HTRA1: variants seen among roughly 807,000 people sequenced by gnomAD.
The protein encoded by HTRA1 is serine protease HTRA1.
In HTRA1, 26 loss-of-function variants were observed where a neutral mutation model predicts 49.7. The ratio of observed to expected loss-of-function variants is 0.52; its 90% CI spans 0.38 to 0.73. HTRA1 has a LOEUF of 0.73. HTRA1 is among the 30% of genes least tolerant of loss of function. HTRA1 has a pLI of 0.00. For missense variants in HTRA1, 561 were observed against 667.2 expected (o/e 0.84, Z 1.75); for synonymous variants, 291 against 286.9 (o/e 1.01, Z -0.14).
At chr10:122,499,920 G>T (rs2097500226) in intron 3 of HTRA1, among the ~76,000 whole-genome samples, 1 of 152,200 alleles carries the variant, frequency 6.6e-6, no homozygotes, top group Non-Finnish European at 1.5e-5. Context: ...TGATGCAGTG[G>T]ATTCTGCAGA....
intron 2 of HTRA1, 52 bp downstream of exon 2, chr10:122,489,053 A>G: frequency 8.0e-7 from 1 of 1,257,608 alleles, no homozygotes; most frequent in Non-Finnish European, 1.2e-6. Flanking sequence ...CACCGCCACT[A>G]GCAAAACATG....
intron 4 of HTRA1, 34 bp from the exon 5 acceptor site, chr10:122,507,336 G>C (rs199688727): frequency 1.3e-6 from 2 of 1,596,572 alleles, no homozygotes; most frequent in Non-Finnish European, 1.7e-6. Flanking sequence ...GTTATGACAC[G>C]ATTTGTAACC....
rs2097493445 is a variant in HTRA1, at chr10:122,487,095, A to AT, written c.473-1802dup. Among the ~76,000 whole-genome samples, 1 of 152,208 alleles carries AT rather than the reference A, an allele frequency of 6.6e-6. No homozygotes were observed. The highest frequency in any genetic ancestry group is 2.1e-4 in the South Asian group (1 of 4,828). On this transcript the variant is annotated intron_variant, in intron 1 of 8. Transcript: ENST00000368984. This position sits in a 1 kb window ranked among gnomAD's most constrained non-coding sequence, Gnocchi z 4.8. ...CAGGAAATACAAGCCCCAGTTACTC[A>AT]TTTTTCAGTGCAACAGACATAAGAT...
intron 3 of HTRA1, among the ~76,000 whole-genome samples, chr10:122,491,968 T>C (rs2097496074): frequency 6.6e-6 from 1 of 152,208 alleles, no homozygotes; most frequent in African/African-American, 2.4e-5. Context: ...TCCAGCTTTT[T>C]CTCTTTTGTT....
intron 1 of HTRA1, among the ~76,000 whole-genome samples, chr10:122,476,388 G>C (rs1024683682): frequency 6.6e-6 from 1 of 152,170 alleles, no homozygotes; most frequent in Non-Finnish European, 1.5e-5. Context: ...CACAGCATCA[G>C]GTTAGTTAAC....
intron 3 of HTRA1, among the ~76,000 whole-genome samples, chr10:122,492,776 G>C (rs1227028918): frequency 1.3e-5 from 2 of 152,116 alleles, no homozygotes. Flanking sequence ...CAGCGTAGGT[G>C]GGACCATCAG....
intron 1 of HTRA1, among the ~76,000 whole-genome samples, chr10:122,477,067 A>C (rs1449910713): frequency 6.9e-6 from 1 of 145,650 alleles, no homozygotes; most frequent in Non-Finnish European, 1.5e-5. Flanking sequence ...TTCCAGGTTC[A>C]CGCCATTCTC....
intron 8 of HTRA1, among the ~76,000 whole-genome samples, chr10:122,513,663 A>G (rs980194765): frequency 1.1e-4 from 17 of 148,606 alleles, no homozygotes; most frequent in Non-Finnish European, 3.0e-5. Context: ...AGAGTGGGGA[A>G]AAAAGAACAT....
In HTRA1 at chr10:122,513,671, C is replaced by T. The variant is rs28774382; in HGVS notation, c.1275-520C>T. 4.0e-4 allele frequency among the ~76,000 whole-genome samples: 48 copies of T among 119,116 alleles called. No individual in the cohort carries two copies. The East Asian group carries it at 0.012, about 30-fold the overall frequency. 78.1% of individuals were successfully genotyped at this position (119,116 alleles called of 152,430 possible). A position where few individuals can be genotyped will look rare whatever the true frequency, so the allele number is the denominator to read the frequency against. On this transcript the variant is annotated intron_variant, in intron 8 of 8. Transcript: ENST00000368984. ...AAAAAAAAGAGTGGGGAAAAAAGAA[C>T]ATTATTAAAAAAAAAAACCTTAAAA...
At chr10:122,474,136 G>T (rs2133912330) in intron 1 of HTRA1, among the ~76,000 whole-genome samples, 1 of 152,310 alleles carries the variant, frequency 6.6e-6, no homozygotes, top group South Asian at 2.1e-4. Context: ...GCACTGAAAG[G>T]AAAACATGAG....
At chr10:122,514,144 G>A in intron 8 of HTRA1, 47 bp from the exon 9 acceptor site, 1 of 1,578,798 alleles carries the variant, frequency 6.3e-7, no homozygotes, top group Non-Finnish European at 8.7e-7. Flanking sequence ...AGACCAGGAG[G>A]AATGGAAACA....
intron 1 of HTRA1, among the ~76,000 whole-genome samples, chr10:122,468,403 T>C (rs766838456): frequency 6.2e-4 from 11 of 17,830 alleles, no homozygotes; most frequent in Non-Finnish European, 5.4e-4. Context: ...GTTGTCATTG[T>C]CATCATCATC....
chr10:122,478,239 G>C (rs192965216), intron 1 of HTRA1, among the ~76,000 whole-genome samples: 1 of 152,186 alleles, frequency 6.6e-6, no homozygotes. Flanking sequence ...GTGAGGAAGC[G>C]TCAGCATGAG....
intron 3 of HTRA1, among the ~76,000 whole-genome samples, chr10:122,491,748 C>T (rs1465123379): frequency 1.3e-5 from 2 of 152,214 alleles, no homozygotes; most frequent in Non-Finnish European, 2.9e-5. Context: ...TTTAGCTCTT[C>T]AGCCAGCAGC....
rs138190912 is a variant in HTRA1 at position 122,513,489 on chromosome 10, G to A, written c.1275-702G>A. Reference sequence around the variant, plus strand: ...CATTTCTACAGTGGACACAATGGATGATTTAGCCTAAAAATCTCAAAAGGA... The same window carrying A: ...CATTTCTACAGTGGACACAATGGATAATTTAGCCTAAAAATCTCAAAAGGA... On this transcript the variant is annotated intron_variant, in intron 8 of 8. Coordinates refer to ENST00000368984, the MANE Select transcript of HTRA1 (RefSeq NM_002775.5). Among the ~76,000 whole-genome samples the A allele has an allele frequency of 5.8e-4, 88 of 151,978 alleles. 1 individual carries two copies. The East Asian group carries it at 0.016, about 28-fold the overall frequency.
At chr10:122,511,558 C>G (rs1272130181) in intron 7 of HTRA1, among the ~76,000 whole-genome samples, 2 of 151,876 alleles carry the variant, frequency 1.3e-5, no homozygotes, top group African/African-American at 4.8e-5. Context: ...TTTGTGAAAC[C>G]CTGTTTCTAC....
intron 1 of HTRA1, among the ~76,000 whole-genome samples, chr10:122,466,757 C>T (rs1477221641): frequency 6.6e-6 from 1 of 152,148 alleles, no homozygotes; most frequent in Admixed American, 6.5e-5. Flanking sequence ...GGGACCTGAG[C>T]TTCATCTTAG....
chr10:122,489,315 G>A, intron 2 of HTRA1, 107 bp from the exon 3 acceptor site: 2 of 1,067,442 alleles, frequency 1.9e-6, no homozygotes, highest in Non-Finnish European at 2.9e-6. Context: ...ATATATAAAG[G>A]AGCGATGGCT....
chr10:122,512,241 C>T (rs962679244), intron 8 of HTRA1, among the ~76,000 whole-genome samples, 176 bp downstream of exon 8: 1 of 152,068 alleles, frequency 6.6e-6, no homozygotes, highest in Non-Finnish European at 1.5e-5. Flanking sequence ...TGGCTCGGCT[C>T]GGGACTCATC....
Sources: allele counts gnomAD v4.1 joint callset (sites outside exome capture counted in the v4.1 genomes callset), GRCh38; gene constraint gnomAD v4.1.1; non-coding constraint Gnocchi (gnomAD v3.1); transcripts MANE v1.5; gene names NCBI Gene and HGNC (gene_info 2026-07-23, HGNC 2026-07-21).